Variants in NXPE2 observed in about 807,000 individuals in gnomAD.
NXPE2 encodes the protein neurexophilin and PC-esterase domain family member 2, also known as NXPE family member 2.
A neutral mutation model predicts 34.4 loss-of-function variants in NXPE2; 34 were observed. That is an observed-to-expected ratio of 0.99 (90% CI 0.75 to 1.31). The LOEUF is 1.31. Among genes scored for constraint, NXPE2 ranks in the 40% most tolerant of loss-of-function variants. The pLI is 0.00. For synonymous variants in NXPE2, 235 were observed against 231.3 expected (o/e 1.02, Z -0.15); for missense variants, 649 against 672.5 (o/e 0.97, Z 0.39).
the NXPE2 span, among the ~76,000 whole-genome samples, chr11:114,778,680 G>A: frequency 2.6e-5 from 4 of 152,130 alleles, no homozygotes; most frequent in Non-Finnish European, 4.4e-5. Flanking sequence ...GAGGGAGGAA[G>A]GTGACTTGAC....
the NXPE2 span, among the ~76,000 whole-genome samples, chr11:114,642,923 C>T: frequency 9.2e-5 from 14 of 152,198 alleles, no homozygotes; most frequent in South Asian, 8.3e-4. Context: ...TCTCCAGCAT[C>T]GGATGTTTCC....
chr11:114,587,114 C>CT, the NXPE2 span, among the ~76,000 whole-genome samples: 7 of 152,068 alleles, frequency 4.6e-5, no homozygotes, highest in African/African-American at 7.2e-5. Flanking sequence ...CTAATTCTCG[C>CT]TTTTTTTGCC....
chr11:114,546,410 A>G, the NXPE2 span, among the ~76,000 whole-genome samples: 2 of 152,174 alleles, frequency 1.3e-5, no homozygotes, highest in African/African-American at 2.4e-5. Flanking sequence ...TATTTTACAT[A>G]TAATTATAGA....
chr11:114,806,489 AG>A, the NXPE2 span, among the ~76,000 whole-genome samples: 1 of 152,242 alleles, frequency 6.6e-6, no homozygotes, highest in African/African-American at 2.4e-5. Flanking sequence ...ATCAATGCAG[AG>A]AAGTCCTTAA....
chr11:114,643,453 C>G, the NXPE2 span, among the ~76,000 whole-genome samples: 78 of 152,078 alleles, frequency 5.1e-4, 2 homozygotes, highest in Non-Finnish European at 9.6e-4. Context: ...AGGAAGGGGT[C>G]CAGTTTCAGT....
chr11:114,801,441 G>T, the NXPE2 span, among the ~76,000 whole-genome samples: 2 of 152,240 alleles, frequency 1.3e-5, no homozygotes, highest in African/African-American at 2.4e-5. Flanking sequence ...GAGATGGACA[G>T]GGGACAGATC....
chr11:114,605,348 T>A, the NXPE2 span, among the ~76,000 whole-genome samples: 1 of 151,838 alleles, frequency 6.6e-6, no homozygotes, highest in African/African-American at 2.4e-5. Flanking sequence ...GCCTCGTGGG[T>A]GACCACTGTT....
chr11:114,710,830 A>G (rs1230481834), downstream of NXPE2, among the ~76,000 whole-genome samples: 1 of 152,168 alleles, frequency 6.6e-6, no homozygotes, highest in Non-Finnish European at 1.5e-5. Context: ...ATAGATGCAA[A>G]AACCCTAAAA....
chr11:114,505,354 C>G, the NXPE2 span, among the ~76,000 whole-genome samples: 15 of 152,132 alleles, frequency 9.9e-5, no homozygotes, highest in East Asian at 2.9e-3. Flanking sequence ...GGCCAACATT[C>G]AAATTCGGGA....
chr11:114,632,571 A>G, the NXPE2 span, among the ~76,000 whole-genome samples: 2 of 113,646 alleles, frequency 1.8e-5, no homozygotes, highest in East Asian at 2.2e-4. Context: ...ATATTTACAT[A>G]TATCATATAT....
At chr11:114,720,682 TTGAAA>T in the NXPE2 span, among the ~76,000 whole-genome samples, 1 of 152,254 alleles carries the variant, frequency 6.6e-6, no homozygotes, top group Non-Finnish European at 1.5e-5. Context: ...TGATGATGTG[TTGAAA>T]TGATTATAGG....
chr11:114,626,912 G>T, the NXPE2 span, among the ~76,000 whole-genome samples: 32 of 151,920 alleles, frequency 2.1e-4, no homozygotes, highest in Non-Finnish European at 3.5e-4. Context: ...TGGAAGAAAG[G>T]GTATCAGTGA....
the NXPE2 span, chr11:114,513,199 G>A: frequency 1.8e-6 from 1 of 545,134 alleles, no homozygotes; most frequent in Non-Finnish European, 3.7e-6. Flanking sequence ...CCTCCAGCAG[G>A]ATGTCCAGCT....
At chr11:114,703,507 A>G (rs1951405999) in intron 3 of NXPE2, among the ~76,000 whole-genome samples, 1 of 152,206 alleles carries the variant, frequency 6.6e-6, no homozygotes, top group African/African-American at 2.4e-5. Context: ...GTTGTAATAA[A>G]GTACTGCAGG....
upstream of NXPE2, among the ~76,000 whole-genome samples, chr11:114,674,498 C>T (rs1950835609): frequency 6.6e-6 from 1 of 151,052 alleles, no homozygotes; most frequent in South Asian, 2.1e-4. Flanking sequence ...ATGTTTTATG[C>T]AAACCTCATG....
chr11:114,539,758 G>C, the NXPE2 span, among the ~76,000 whole-genome samples: 1 of 152,016 alleles, frequency 6.6e-6, no homozygotes, highest in Non-Finnish European at 1.5e-5. Context: ...ATTGTAAAGT[G>C]CAATATCAGT....
the NXPE2 span, among the ~76,000 whole-genome samples, chr11:114,569,435 G>A: frequency 6.9e-3 from 1,044 of 152,206 alleles, 15 homozygotes; most frequent in African/African-American, 0.022. Context: ...GTTTTAAGCC[G>A]TGGAATTTTT....
the NXPE2 span, among the ~76,000 whole-genome samples, chr11:114,667,292 A>T: frequency 4.6e-5 from 7 of 152,302 alleles, no homozygotes; most frequent in African/African-American, 1.4e-4. Context: ...AGTGAATTTT[A>T]AAAAATGTTT....
At chr11:114,569,131 A>G in the NXPE2 span, among the ~76,000 whole-genome samples, 6,313 of 152,262 alleles carry the variant, frequency 0.041, 152 homozygotes, top group Non-Finnish European at 0.058. Flanking sequence ...TTTTTTCCAG[A>G]TGCAAGTACT....
Sources: allele counts gnomAD v4.1 joint callset (sites outside exome capture counted in the v4.1 genomes callset), GRCh38; gene constraint gnomAD v4.1.1; transcripts MANE v1.5; gene names NCBI Gene and HGNC (gene_info 2026-07-23, HGNC 2026-07-21).